The following ASPH variants were observed in gnomAD, a reference collection of about 807,000 sequenced individuals.
ASPH encodes aspartyl/asparaginyl beta-hydroxylase.
In ASPH, 100 loss-of-function variants were observed where a neutral mutation model predicts 118.4. That is an observed-to-expected ratio of 0.84 (90% confidence interval 0.72 to 1.00). The LOEUF (loss-of-function observed/expected upper bound fraction) is 1.00, where lower values mean the gene tolerates loss of function less well. Among genes scored for constraint, ASPH ranks in the 50% least tolerant of loss-of-function variants. The pLI, the probability that ASPH is intolerant of heterozygous loss-of-function variation, is 0.00. For synonymous variants in ASPH, 315 were observed against 325.6 expected, an observed-to-expected ratio of 0.97 and a Z score of 0.35; for missense variants, 920 against 919.5, an observed-to-expected ratio of 1.00 and a Z score of -0.01.
chr8:61,644,061 G>A (rs545056909), intron 7 of ASPH, 60 bp from the exon 8 acceptor site: 34 of 1,276,994 alleles, frequency 2.7e-5, no homozygotes, highest in South Asian at 1.9e-4. Flanking sequence ...TGTAATATTC[G>A]AAACCAGAAA....
At chr8:61,636,213 A>T (rs73267240) in intron 12 of ASPH, among the ~76,000 whole-genome samples, 6 of 152,316 alleles carry the variant, frequency 3.9e-5, no homozygotes, top group Admixed American at 3.9e-4. Context: ...GGAGGGGACA[A>T]GAACAGAATC....
At chr8:61,520,964 A>G (rs1005012132) in intron 22 of ASPH, among the ~76,000 whole-genome samples, 16 of 152,206 alleles carry the variant, frequency 1.1e-4, no homozygotes, top group African/African-American at 3.9e-4. Context: ...TCTGGTCTGT[A>G]AACCCAGATT....
intron 21 of ASPH, among the ~76,000 whole-genome samples, chr8:61,530,652 C>T (rs934292642): frequency 2.9e-4 from 44 of 152,158 alleles, no homozygotes; most frequent in African/African-American, 1.0e-3. Context: ...GAGAAGCAAA[C>T]TAAAGCCTAA....
chr8:61,664,579 G>A, intron 3 of ASPH: 1 of 986,632 alleles, frequency 1.0e-6, no homozygotes, highest in Non-Finnish European at 1.2e-6. Flanking sequence ...TCAGGAGTGA[G>A]AAGCATGCAG....
chr8:61,703,855 A>G (rs1835846831), intron 1 of ASPH, among the ~76,000 whole-genome samples: 1 of 152,186 alleles, frequency 6.6e-6, no homozygotes, highest in Non-Finnish European at 1.5e-5. Flanking sequence ...GATTTACACT[A>G]CCTAGTTTTA....
chr8:61,642,327 C>G (rs1249781184), intron 10 of ASPH, among the ~76,000 whole-genome samples: 1 of 152,194 alleles, frequency 6.6e-6, no homozygotes, highest in Non-Finnish European at 1.5e-5. Flanking sequence ...CTATAAAGTA[C>G]TGAGATTGGT....
At chr8:61,622,029 G>A (rs992506987) in intron 13 of ASPH, among the ~76,000 whole-genome samples, 1 of 152,136 alleles carries the variant, frequency 6.6e-6, no homozygotes, top group Admixed American at 6.5e-5. Flanking sequence ...AAAGCAAATC[G>A]CTTTGGTGGA....
intron 14 of ASPH, among the ~76,000 whole-genome samples, chr8:61,599,835 T>A (rs1331036450): frequency 6.6e-6 from 1 of 152,140 alleles, no homozygotes; most frequent in East Asian, 1.9e-4. Flanking sequence ...ACCAAACTTT[T>A]AAAGAACTAA....
At chr8:61,709,427 T>C (rs1357597967) in intron 1 of ASPH, among the ~76,000 whole-genome samples, 1 of 152,164 alleles carries the variant, frequency 6.6e-6, no homozygotes, top group Non-Finnish European at 1.5e-5. Flanking sequence ...CTTAGTCCTC[T>C]AATAAAAATG....
chr8:61,520,117 T>A (rs1302362067), intron 22 of ASPH, among the ~76,000 whole-genome samples: 4 of 152,220 alleles, frequency 2.6e-5, no homozygotes, highest in African/African-American at 9.6e-5. Flanking sequence ...AGGATTTAAA[T>A]GAAGAAGGCG....
chr8:61,607,671 GTC>G (rs2133787935), intron 14 of ASPH, among the ~76,000 whole-genome samples: 1 of 152,140 alleles, frequency 6.6e-6, no homozygotes, highest in South Asian at 2.1e-4. Context: ...CCATGAATCG[GTC>G]TATGGCAATG....
At chr8:61,533,237 C>T (rs1195026126) in intron 21 of ASPH, among the ~76,000 whole-genome samples, 1 of 151,792 alleles carries the variant, frequency 6.6e-6, no homozygotes, top group Non-Finnish European at 1.5e-5. Flanking sequence ...GGGAGATTTC[C>T]TTAACTTAGC....
chr8:61,687,018 T>G (rs1016810780), intron 1 of ASPH, among the ~76,000 whole-genome samples: 1 of 152,010 alleles, frequency 6.6e-6, no homozygotes, highest in Non-Finnish European at 1.5e-5. Context: ...TTATTTAAAA[T>G]AAGCCTATAC....
intron 1 of ASPH, among the ~76,000 whole-genome samples, chr8:61,712,175 C>T (rs942837784): frequency 1.3e-5 from 2 of 152,174 alleles, no homozygotes; most frequent in African/African-American, 4.8e-5. Context: ...AAATGGGTCT[C>T]ACAGTATGAC....
At chr8:61,684,851 CA>C (rs1427253024) in intron 1 of ASPH, among the ~76,000 whole-genome samples, 1 of 152,034 alleles carries the variant, frequency 6.6e-6, no homozygotes, top group African/African-American at 2.4e-5. Context: ...ATTCTTCTTA[CA>C]GCCAAAAATA....
At chr8:61,613,184 T>A (rs1408084490) in intron 14 of ASPH, among the ~76,000 whole-genome samples, 1 of 152,178 alleles carries the variant, frequency 6.6e-6, no homozygotes, top group Non-Finnish European at 1.5e-5. Context: ...AGATTAACAT[T>A]TAAATCAGTA....
At position 61,537,881 on chromosome 8, in the gene ASPH, GA is replaced by G. The variant is rs199911796; in HGVS notation, c.1764+10189del. On this transcript the variant is annotated intron_variant, in intron 21 of 24. Coordinates refer to ENST00000379454, the MANE Select transcript of ASPH (RefSeq NM_004318.4). ...TAAAAACTCACTGATTTTGCTTTCA[GA>G]AAAAAAAAGCCTCTTTGTATGAAAT... Among the ~76,000 whole-genome samples, 36 of 149,166 alleles carry G rather than the reference GA, an allele frequency of 2.4e-4. No homozygotes were observed. In the South Asian group the frequency reaches 6.4e-3, roughly 26 times the overall value.
chr8:61,550,481 G>A (rs993438555), intron 20 of ASPH, among the ~76,000 whole-genome samples: 5 of 137,172 alleles, frequency 3.6e-5, no homozygotes, highest in Non-Finnish European at 1.7e-5. Flanking sequence ...AAGAGAAAGA[G>A]AGAGAGAGAG....
rs1806343411 is a variant in ASPH, at chr8:61,643,584, TCCA to T, written c.710-154_710-152del. 6.3e-6 allele frequency: 5 copies of T among 787,700 alleles called. No individual in the cohort carries two copies. In the African/African-American group the frequency reaches 8.8e-5, roughly 14 times the overall value. 48.8% of individuals were successfully genotyped at this position (787,700 alleles called of 1,614,324 possible). The stretch of plus-strand genomic sequence containing the variant: ...TAATAAAATTTAAGCTGAATAACGT[TCCA>T]CAATTTGATGCCTAAGTCAAAAAGA... On this transcript the variant is annotated intron_variant, in intron 8 of 24. Transcript: ENST00000379454.
Sources: gnomAD v4.1 joint callset for allele counts (sites outside exome capture counted in the v4.1 genomes callset) on GRCh38, gnomAD v4.1.1 for gene constraint, MANE v1.5 for transcripts, NCBI Gene and HGNC (gene_info 2026-07-23, HGNC 2026-07-21) for gene names.